The following EXOC4 variants were observed in gnomAD, a reference collection of about 807,000 sequenced individuals.
EXOC4 encodes exocyst complex component 4, also known as SEC8-like 1.
In EXOC4, 71 loss-of-function variants were observed where a neutral mutation model predicts 107.2. The ratio of observed to expected loss-of-function variants is 0.66; its 90% CI spans 0.55 to 0.81. The LOEUF (loss-of-function observed/expected upper bound fraction) is 0.81, where lower values mean the gene tolerates loss of function less well. EXOC4 is among the 30% of genes least tolerant of loss of function. EXOC4 has a pLI of 0.00. For synonymous variants in EXOC4, 456 were observed against 441.2 expected, an observed-to-expected ratio of 1.03 and a Z score of -0.42; for missense variants, 1,108 against 1,189.6, an observed-to-expected ratio of 0.93 and a Z score of 1.01.
intron 6 of EXOC4, among the ~76,000 whole-genome samples, chr7:133,373,227 G>T (rs1276033709): frequency 6.6e-6 from 1 of 152,138 alleles, no homozygotes; most frequent in Non-Finnish European, 1.5e-5. Flanking sequence ...TATTTTGTAT[G>T]TATCTTTGCT....
chr7:133,543,904 G>C (rs1411230881), intron 9 of EXOC4, among the ~76,000 whole-genome samples: 1 of 152,146 alleles, frequency 6.6e-6, no homozygotes, highest in African/African-American at 2.4e-5. Flanking sequence ...TTTTAAAAAT[G>C]ATAAATGGAC....
chr7:133,850,944 C>G (rs1414163049), intron 11 of EXOC4, among the ~76,000 whole-genome samples: 5 of 152,148 alleles, frequency 3.3e-5, no homozygotes, highest in Admixed American at 2.0e-4. Flanking sequence ...TAGATTGACT[C>G]TTCCTAGCTT....
intron 9 of EXOC4, among the ~76,000 whole-genome samples, chr7:133,624,574 C>A (rs1202216693): frequency 6.6e-6 from 1 of 152,080 alleles, no homozygotes; most frequent in African/African-American, 2.4e-5. Flanking sequence ...CAGAGCAAGA[C>A]TGCATCTCTC....
Position 133,628,240 on chromosome 7 carries a change from T to C in EXOC4, c.1418-1805T>C, listed in dbSNP as rs75940172. Among the ~76,000 whole-genome samples the C allele has an allele frequency of 4.8e-3, 733 of 152,314 alleles. 3 individuals carry two copies. Among genetic ancestry groups the C allele is most frequent in the Middle Eastern group, 0.017 (5 of 294 alleles). On this transcript the variant is annotated intron_variant, in intron 9 of 17. Coordinates refer to ENST00000253861, the MANE Select transcript of EXOC4 (RefSeq NM_021807.4). ...CACTTTTATATTGATTTATGCTAGA[T>C]TGAAGGATATAACCCAGTTTGAGAA...
intron 9 of EXOC4, among the ~76,000 whole-genome samples, chr7:133,522,721 GT>G (rs954260291): frequency 1.3e-5 from 2 of 151,754 alleles, no homozygotes; most frequent in African/African-American, 4.8e-5. Context: ...GGAAGAGAGG[GT>G]TTTTTTTCCC....
intron 6 of EXOC4, among the ~76,000 whole-genome samples, chr7:133,361,575 C>T (rs1796137939): frequency 6.6e-6 from 1 of 152,190 alleles, no homozygotes; most frequent in African/African-American, 2.4e-5. Flanking sequence ...GCCAACTGTG[C>T]TTTGCTTAGA....
intron 2 of EXOC4, among the ~76,000 whole-genome samples, chr7:133,280,919 A>C (rs1290106968): frequency 6.6e-6 from 1 of 152,184 alleles, no homozygotes; most frequent in African/African-American, 2.4e-5. Context: ...GGACATGCTA[A>C]ACAGTGGGTA....
intron 17 of EXOC4, among the ~76,000 whole-genome samples, chr7:134,039,582 C>T (rs553923747): frequency 1.3e-5 from 2 of 152,244 alleles, no homozygotes; most frequent in African/African-American, 4.8e-5. Context: ...TCACCACTGC[C>T]CTCCATCATA....
intron 10 of EXOC4, among the ~76,000 whole-genome samples, chr7:133,635,172 C>T (rs1277729360): frequency 3.9e-5 from 6 of 152,094 alleles, no homozygotes; most frequent in Non-Finnish European, 5.9e-5. Context: ...AGTTATTAAC[C>T]ATGATCTGCA....
intron 5 of EXOC4, among the ~76,000 whole-genome samples, chr7:133,338,612 AAAAAAAAAAAAT>A (rs1472002371): frequency 1.3e-5 from 2 of 149,270 alleles, no homozygotes; most frequent in South Asian, 4.2e-4. Context: ...AAAAAAAAAA[AAAAAAAAAAAAT>A]TTTTATTTCA....
At chr7:133,959,823 T>C (rs1800900696) in intron 14 of EXOC4, among the ~76,000 whole-genome samples, 1 of 152,068 alleles carries the variant, frequency 6.6e-6, no homozygotes, top group African/African-American at 2.4e-5. Flanking sequence ...TATCAGATTC[T>C]AAGAAAATTG....
chr7:133,988,047 A>T (rs935806326), intron 14 of EXOC4, among the ~76,000 whole-genome samples: 1 of 152,224 alleles, frequency 6.6e-6, no homozygotes, highest in African/African-American at 2.4e-5. Flanking sequence ...GACAGTTTGT[A>T]TGTTGACTTT....
At chr7:133,644,899 C>T (rs1265349527) in intron 10 of EXOC4, among the ~76,000 whole-genome samples, 1 of 152,084 alleles carries the variant, frequency 6.6e-6, no homozygotes, top group Non-Finnish European at 1.5e-5. Context: ...CTTCATTTTT[C>T]TGTATTCTTC....
intron 10 of EXOC4, among the ~76,000 whole-genome samples, chr7:133,745,381 C>T (rs1015269730): frequency 6.6e-6 from 1 of 152,026 alleles, no homozygotes; most frequent in Non-Finnish European, 1.5e-5. Flanking sequence ...AACTTACTGT[C>T]TAATTTTATC....
chr7:134,041,918 C>T (rs1003867734), intron 17 of EXOC4, among the ~76,000 whole-genome samples: 1 of 152,156 alleles, frequency 6.6e-6, no homozygotes, highest in Non-Finnish European at 1.5e-5. Flanking sequence ...CTTTAAAAAT[C>T]CTCATTTCCA....
chr7:133,940,737 A>G (rs752350427), intron 14 of EXOC4, among the ~76,000 whole-genome samples: 14 of 152,018 alleles, frequency 9.2e-5, no homozygotes, highest in Admixed American at 4.6e-4. Flanking sequence ...CCCTATGTCA[A>G]TGTGACTCTA....
At chr7:133,822,243 G>A (rs1797538826) in intron 11 of EXOC4, among the ~76,000 whole-genome samples, 1 of 152,186 alleles carries the variant, frequency 6.6e-6, no homozygotes, top group Non-Finnish European at 1.5e-5. Flanking sequence ...ACCATCTCAT[G>A]CTTTATATAT....
At chr7:133,317,758 T>C (rs2150582339) in intron 5 of EXOC4, among the ~76,000 whole-genome samples, 1 of 152,244 alleles carries the variant, frequency 6.6e-6, no homozygotes, top group East Asian at 1.9e-4. Context: ...TTTGGCTCTC[T>C]GCAACCTCTG....
At chr7:133,480,023 G>C (rs1339105097) in intron 8 of EXOC4, 27 bp from the exon 9 acceptor site, 1 of 1,597,338 alleles carries the variant, frequency 6.3e-7, no homozygotes, top group East Asian at 2.2e-5. Context: ...ACACCTGCTT[G>C]TCTGTTTCCC....
Sources: allele counts gnomAD v4.1 joint callset (sites outside exome capture counted in the v4.1 genomes callset), GRCh38; gene constraint gnomAD v4.1.1; transcripts MANE v1.5; gene names NCBI Gene and HGNC (gene_info 2026-07-23, HGNC 2026-07-21).